Variants in GRIK2 observed in about 807,000 individuals in gnomAD.
The protein encoded by GRIK2 is glutamate receptor ionotropic, kainate 2.
A neutral mutation model predicts 100.3 loss-of-function variants in GRIK2; 32 were observed. That is an observed-to-expected ratio of 0.32 (90% CI 0.24 to 0.43). The LOEUF is 0.43. Ranked by LOEUF, GRIK2 falls within the 20% of genes least tolerant of loss-of-function variation. The pLI is 1.00. For missense variants in GRIK2, 843 were observed against 1,114.9 expected (o/e 0.76, Z 3.47); for synonymous variants, 417 against 389.4 (o/e 1.07, Z -0.83).
chr6:101,758,985 G>T (rs1777312933), intron 7 of GRIK2, among the ~76,000 whole-genome samples: 1 of 152,094 alleles, frequency 6.6e-6, no homozygotes, highest in Non-Finnish European at 1.5e-5. Flanking sequence ...GTAAGTGAAA[G>T]TATTTTGCAT....
At position 101,600,499 on chromosome 6, in the gene GRIK2, C is replaced by G. The variant is rs567874031; in HGVS notation, c.116-21450C>G. On this transcript the variant is annotated intron_variant, in intron 2 of 16. Coordinates refer to ENST00000369134, the MANE Select transcript of GRIK2 (RefSeq NM_021956.5). ...CTGTAACTTGCTTTGGGCAGTATGA[C>G]CATTTTAGCAATATTGGTTCTTTCA... 8.6e-5 allele frequency among the ~76,000 whole-genome samples: 13 copies of G among 151,934 alleles called. No homozygotes were observed. The South Asian group carries it at 1.7e-3, about 19-fold the overall frequency.
intron 6 of GRIK2, among the ~76,000 whole-genome samples, chr6:101,684,049 C>G (rs1272001599): frequency 6.6e-6 from 1 of 152,166 alleles, no homozygotes; most frequent in Non-Finnish European, 1.5e-5. Flanking sequence ...CCTGTGATGA[C>G]AACTCTTACC....
chr6:101,855,888 C>T (rs1290750996), intron 10 of GRIK2, among the ~76,000 whole-genome samples: 1 of 151,962 alleles, frequency 6.6e-6, no homozygotes, highest in Non-Finnish European at 1.5e-5. Flanking sequence ...GAAATAAAGG[C>T]TACATGAGCC....
At chr6:101,744,395 C>T (rs1046283599) in intron 7 of GRIK2, among the ~76,000 whole-genome samples, 1 of 151,164 alleles carries the variant, frequency 6.6e-6, no homozygotes, top group African/African-American at 2.4e-5. Context: ...TTCTGAGTTA[C>T]TTCACTTAAA....
At chr6:101,414,653 C>T (rs969472270) in intron 2 of GRIK2, among the ~76,000 whole-genome samples, 3 of 152,096 alleles carry the variant, frequency 2.0e-5, no homozygotes, top group African/African-American at 7.2e-5. Context: ...TTTGCATGAT[C>T]TAAAAGGATG....
intron 12 of GRIK2, among the ~76,000 whole-genome samples, chr6:101,904,715 G>C (rs1788107401): frequency 6.6e-6 from 1 of 151,476 alleles, no homozygotes; most frequent in Admixed American, 6.6e-5. Context: ...GCAAGCATAT[G>C]ATTAATGTAA....
intron 11 of GRIK2, among the ~76,000 whole-genome samples, chr6:101,867,382 T>TTAC (rs1785117880): frequency 4.1e-5 from 4 of 97,912 alleles, no homozygotes; most frequent in Non-Finnish European, 6.5e-5. Context: ...GGCTAATATA[T>TTAC]TTTTAAACTT....
At chr6:101,682,426 T>G in intron 5 of GRIK2, 127 bp from the exon 6 acceptor site, 1 of 639,484 alleles carries the variant, frequency 1.6e-6, no homozygotes, top group East Asian at 2.8e-5. Flanking sequence ...TTTAACCTAA[T>G]TGTATGTAAC....
intron 2 of GRIK2, among the ~76,000 whole-genome samples, chr6:101,548,437 A>G (rs1180960877): frequency 4.6e-5 from 7 of 151,976 alleles, no homozygotes; most frequent in South Asian, 2.1e-4. Flanking sequence ...TTTCTTCTAG[A>G]GTTTTTATGG....
At chr6:101,461,631 C>T (rs1424942953) in intron 2 of GRIK2, among the ~76,000 whole-genome samples, 2 of 152,128 alleles carry the variant, frequency 1.3e-5, no homozygotes, top group Non-Finnish European at 2.9e-5. Flanking sequence ...AACTCTTGAT[C>T]ACATCTGCAA....
At chr6:101,998,812 CTTTTTTTTT>C (rs755522043) in intron 14 of GRIK2, among the ~76,000 whole-genome samples, 1 of 110,062 alleles carries the variant, frequency 9.1e-6, no homozygotes, top group Non-Finnish European at 1.8e-5. Flanking sequence ...TTTTTCTTTT[CTTTTTTTTT>C]TTTTTTTTTT....
At chr6:101,837,534 A>G (rs1320416047) in intron 10 of GRIK2, among the ~76,000 whole-genome samples, 1 of 152,190 alleles carries the variant, frequency 6.6e-6, no homozygotes, top group Non-Finnish European at 1.5e-5. Context: ...TTATCTCTGA[A>G]TTATACCTCA....
At chr6:101,902,322 G>A (rs1051996203) in intron 12 of GRIK2, among the ~76,000 whole-genome samples, 30 of 151,988 alleles carry the variant, frequency 2.0e-4, no homozygotes, top group African/African-American at 6.5e-4. Flanking sequence ...AGGTAGTTCG[G>A]GTGGAATGTA....
At chr6:101,978,015 A>G (rs1356748129) in intron 14 of GRIK2, among the ~76,000 whole-genome samples, 2 of 151,974 alleles carry the variant, frequency 1.3e-5, no homozygotes, top group African/African-American at 4.8e-5. Flanking sequence ...TTTAAATTAT[A>G]ATCTGGATGT....
intron 14 of GRIK2, among the ~76,000 whole-genome samples, chr6:101,996,728 G>C (rs543929037): frequency 6.6e-5 from 10 of 152,114 alleles, no homozygotes; most frequent in Non-Finnish European, 1.3e-4. Flanking sequence ...GAGTCCTGTA[G>C]TTGGCCTTAA....
chr6:101,624,147 A>T (rs1240721389), intron 3 of GRIK2, among the ~76,000 whole-genome samples: 2 of 152,132 alleles, frequency 1.3e-5, no homozygotes, highest in East Asian at 3.9e-4. Context: ...TTAGAGCTTG[A>T]ATTATTGTTT....
Position 101,589,375 on chromosome 6 carries a change from T to C in GRIK2, c.116-32574T>C, listed in dbSNP as rs78170458. Reference sequence around the variant, plus strand: ...ATGTTATTAACTATAGCCACCATGTTGCACAATAGATCTCTTGAACTTTTT... The same window carrying C: ...ATGTTATTAACTATAGCCACCATGTCGCACAATAGATCTCTTGAACTTTTT... On this transcript the variant is annotated intron_variant, in intron 2 of 16. Transcript: ENST00000369134. 5.7e-3 allele frequency among the ~76,000 whole-genome samples: 865 copies of C among 152,260 alleles called. 11 individuals carry two copies. Among genetic ancestry groups the C allele is most frequent in the African/African-American group, 0.02 (831 of 41,566 alleles).
At chr6:101,938,497 A>T (rs944064171) in intron 14 of GRIK2, among the ~76,000 whole-genome samples, 2 of 152,120 alleles carry the variant, frequency 1.3e-5, no homozygotes, top group East Asian at 3.8e-4. Flanking sequence ...TCAAACATTG[A>T]TGGTAAATGT....
intron 7 of GRIK2, among the ~76,000 whole-genome samples, chr6:101,727,154 C>G (rs1774929895): frequency 6.6e-6 from 1 of 151,906 alleles, no homozygotes; most frequent in East Asian, 1.9e-4. Flanking sequence ...GTATTGAATA[C>G]CAGGAAATAA....
Sources: allele counts gnomAD v4.1 joint callset (sites outside exome capture counted in the v4.1 genomes callset), GRCh38; gene constraint gnomAD v4.1.1; transcripts MANE v1.5; gene names NCBI Gene and HGNC (gene_info 2026-07-23, HGNC 2026-07-21).